Variants in ARHGEF17 observed in about 807,000 individuals in gnomAD.
ARHGEF17 encodes the protein Rho guanine nucleotide exchange factor 17.
A neutral mutation model predicts 174.0 loss-of-function variants in ARHGEF17; 80 were observed. That is an observed-to-expected ratio of 0.46 (90% CI 0.38 to 0.55). The LOEUF is 0.55. Among genes scored for constraint, ARHGEF17 ranks in the 20% least tolerant of loss-of-function variants. The probability of loss-of-function intolerance (pLI) is 0.00; values close to 1 mark genes in which losing one functional copy is unlikely to be tolerated. For synonymous variants in ARHGEF17, 1,311 were observed against 1,189.1 expected (o/e 1.10, Z -2.11); for missense variants, 2,886 against 2,839.7 (o/e 1.02, Z -0.37).
Position 73,364,178 on chromosome 11 carries a change from G to C in ARHGEF17, c.5340G>C (p.Leu1780=). Residue 1780 remains leucine (L), a synonymous_variant, in exon 17 of 21, where the codon CTG becomes CTC. Coordinates refer to ENST00000263674, the MANE Select transcript of ARHGEF17 (RefSeq NM_014786.4). ...TCCTCTTTTCCCTACCCAGGTATCT[G>C]AATAACCAGGTGTTTGTGTCTCTGG... ...HAASVTCILY[L]NNQVFVSLAN... 1.2e-6 allele frequency: 2 copies of C among 1,614,118 alleles called. No individual in the cohort carries two copies. Among genetic ancestry groups the C allele is most frequent in the Non-Finnish European group, 1.7e-6 (2 of 1,180,020 alleles).
chr11:73,324,382 G>T (rs964813995), intron 1 of ARHGEF17, among the ~76,000 whole-genome samples: 1 of 152,178 alleles, frequency 6.6e-6, no homozygotes, highest in African/African-American at 2.4e-5. Context: ...GGACAGCTGA[G>T]CCCTGCCCTG....
intron 2 of ARHGEF17, among the ~76,000 whole-genome samples, chr11:73,347,590 G>A (rs940924265): frequency 6.6e-6 from 1 of 152,222 alleles, no homozygotes; most frequent in Non-Finnish European, 1.5e-5. Context: ...GGAGGTCTAC[G>A]TGGCCAGCAC....
rs58725771 is a variant in ARHGEF17 at position 73,332,350 on chromosome 11, C to CGTGTGTGTGTGTGTGTGTGT, written c.3193-14494_3193-14475dup. The stretch of plus-strand genomic sequence containing the variant: ...TATATTTCCCTCCAGGCTTTTTCTC[C>CGTGTGTGTGTGTGTGTGTGT]GTGTGTGTGTGTGTGTGTGTGTGTG... On this transcript the variant is annotated intron_variant, in intron 1 of 20. Coordinates refer to ENST00000263674, the MANE Select transcript of ARHGEF17 (RefSeq NM_014786.4). Among the ~76,000 whole-genome samples, 8 of 120,750 alleles carry CGTGTGTGTGTGTGTGTGTGT rather than the reference C, an allele frequency of 6.6e-5. 1 individual carries two copies. The highest frequency in any genetic ancestry group is 5.7e-4 in the East Asian group (2 of 3,530). 79.2% of individuals were successfully genotyped at this position (120,750 alleles called of 152,430 possible). A position where few individuals can be genotyped will look rare whatever the true frequency, so the allele number is the denominator to read the frequency against.
At chr11:73,322,720 C>T (rs970865292) in intron 1 of ARHGEF17, among the ~76,000 whole-genome samples, 2 of 152,010 alleles carry the variant, frequency 1.3e-5, no homozygotes, top group Non-Finnish European at 2.9e-5. Context: ...CCTCAAGTGC[C>T]GAGTTAAATG....
At chr11:73,352,400 A>T (rs1247508258) in intron 2 of ARHGEF17, among the ~76,000 whole-genome samples, 1 of 152,216 alleles carries the variant, frequency 6.6e-6, no homozygotes, top group East Asian at 1.9e-4. Flanking sequence ...TCATCAGACT[A>T]GATCCTAAGC....
intron 1 of ARHGEF17, among the ~76,000 whole-genome samples, chr11:73,334,849 T>A (rs1383866404): frequency 6.6e-6 from 1 of 152,122 alleles, no homozygotes; most frequent in Non-Finnish European, 1.5e-5. Flanking sequence ...CCAGCCCCCC[T>A]GCAGGCTGGG....
intron 20 of ARHGEF17, among the ~76,000 whole-genome samples, 191 bp from the exon 21 acceptor site, chr11:73,367,393 T>G (rs1865857868): frequency 1.3e-5 from 2 of 152,200 alleles, no homozygotes; most frequent in Non-Finnish European, 2.9e-5. Flanking sequence ...AGATGGGACA[T>G]AAGAAGTCTG....
intron 1 of ARHGEF17, among the ~76,000 whole-genome samples, chr11:73,325,995 T>A (rs926174835): frequency 6.6e-5 from 10 of 152,270 alleles, no homozygotes; most frequent in Admixed American, 4.6e-4. Context: ...TAGTCTTGGA[T>A]AATTAACGCT....
chr11:73,360,215 GTC>G, intron 10 of ARHGEF17, 103 bp from the exon 11 acceptor site: 13 of 1,299,264 alleles, frequency 1.0e-5, no homozygotes, highest in Non-Finnish European at 1.3e-5. Flanking sequence ...GGAGGAGACA[GTC>G]TCACTTGCTG....
intron 13 of ARHGEF17, 50 bp downstream of exon 13, chr11:73,362,289 A>AC (rs1369991227): frequency 1.4e-6 from 2 of 1,464,030 alleles, no homozygotes; most frequent in Non-Finnish European, 1.8e-6. Context: ...GGGAGAACCA[A>AC]CCCCTGTCCC....
Position 73,365,594 on chromosome 11 carries a change from C to T in ARHGEF17, c.5725+30C>T. The stretch of plus-strand genomic sequence containing the variant: ...TGACCTCAAACTACCACAGCACCCT[C>T]CTTGGAGCCTTTCTGCCCGATCGTA... On this transcript the variant is annotated intron_variant, in intron 19 of 20. Transcript: ENST00000263674. The surrounding 1 kb of genome is among the most constrained non-coding windows in gnomAD (Gnocchi z 4.9). 6.2e-7 allele frequency: 1 copy of T among 1,611,344 alleles called. No individual in the cohort carries two copies. The highest frequency in any genetic ancestry group is 8.5e-7 in the Non-Finnish European group (1 of 1,177,670).
chr11:73,343,413 C>A (rs1462919064), intron 1 of ARHGEF17: 2 of 390,926 alleles, frequency 5.1e-6, no homozygotes, highest in Admixed American at 4.4e-5. Flanking sequence ...GGATGGAGAC[C>A]TGGAGATTGC....
In ARHGEF17 at chr11:73,346,894, G is replaced by A. The variant is rs763062798; in HGVS notation, c.3204G>A (p.Lys1068=). ...TCCTGTCCCCACAGGACATGCGGAA[G>A]CACGTGGCCATGACCCTGCTGGACA... The part of the protein sequence containing the change: ...CCSKPQVDMR[K]HVAMTLLDTE... Residue 1068 remains lysine (K), a synonymous_variant, in exon 2 of 21, where the codon AAG becomes AAA. Coordinates refer to ENST00000263674, the MANE Select transcript of ARHGEF17 (RefSeq NM_014786.4). The A allele has an allele frequency of 5.3e-6, 8 of 1,504,244 alleles. No homozygotes were observed. Among genetic ancestry groups the A allele is most frequent in the Non-Finnish European group, 7.1e-6 (8 of 1,120,796 alleles). 93.2% of individuals were successfully genotyped at this position (1,504,244 alleles called of 1,614,324 possible). A position where few individuals can be genotyped will look rare whatever the true frequency, so the allele number is the denominator to read the frequency against.
intron 12 of ARHGEF17, among the ~76,000 whole-genome samples, chr11:73,361,655 A>C (rs971897376): frequency 2.6e-5 from 4 of 152,140 alleles, no homozygotes; most frequent in African/African-American, 9.7e-5. Context: ...TGAACCTAAA[A>C]GTTCAAGACC....
In ARHGEF17 at chr11:73,356,218, T is replaced by A; in HGVS notation, c.3707T>A (p.Leu1236His). The change falls in exon 6 of 21, where the codon CTC (leucine) becomes CAC (histidine). Residue 1236 changes from leucine to histidine, a missense_variant. Transcript: ENST00000263674. ...HTPEDHPDHP[L>H]LLEAQRNIKQ... is the part of the protein sequence containing the mutation. ...CCTGAGGACCACCCGGACCATCCACTCCTGCTGGAGGCGCAGCGGAACATC... is the reference window on the plus strand; with the variant it reads ...CCTGAGGACCACCCGGACCATCCACACCTGCTGGAGGCGCAGCGGAACATC... 6.2e-7 allele frequency: 1 copy of A among 1,613,922 alleles called. No homozygotes were observed.
Position 73,363,395 on chromosome 11 carries a change from T to C in ARHGEF17, c.5186T>C (p.Leu1729Pro). 1 of 1,613,298 alleles carries C rather than the reference T, an allele frequency of 6.2e-7. No homozygotes were observed. ...GSFTRGSLED[L>P]LSVDPEAYQS... ...TTCACCCGGGGCAGCCTTGAGGACC[T>C]GCTGAGTGTCGACCCTGAGGCCTAC... The change falls in exon 15 of 21, where the codon CTG (leucine) becomes CCG (proline). Residue 1729 changes from leucine (L) to proline (P), a missense_variant. Leu to Pro is a moderately conservative substitution (Grantham distance 98). This residue lies in a region of ARHGEF17 where 476 missense variants were observed against 473.1 expected (regional missense o/e 1.01). Coordinates refer to ENST00000263674, the MANE Select transcript of ARHGEF17 (RefSeq NM_014786.4).
intron 15 of ARHGEF17, 72 bp from the exon 16 acceptor site, chr11:73,363,675 A>C: frequency 1.3e-6 from 2 of 1,581,602 alleles, no homozygotes; most frequent in Non-Finnish European, 8.7e-7. Context: ...CTAGGGGCAA[A>C]GAGGTGGAGG....
At chr11:73,341,492 A>T (rs375133576) in intron 1 of ARHGEF17, among the ~76,000 whole-genome samples, 23 of 151,304 alleles carry the variant, frequency 1.5e-4, no homozygotes, top group Admixed American at 1.1e-3. Flanking sequence ...TTTTTTTTTT[A>T]ATAGAGATGG....
rs995597131 is a variant in ARHGEF17, at chr11:73,336,454, T to C, written c.3193-10429T>C. On this transcript the variant is annotated intron_variant, in intron 1 of 20. Transcript: ENST00000263674. ...ACGGGGGTCCCTTCTGGGCTAAGAG[T>C]GCACCAGCAAGGTTCAGCAGTTAGA... Among the ~76,000 whole-genome samples, 13 of 151,798 alleles carry C rather than the reference T, an allele frequency of 8.6e-5. No homozygotes were observed. In the South Asian group the frequency reaches 2.3e-3, roughly 27 times the overall value.
Sources: gnomAD v4.1 joint callset for allele counts (sites outside exome capture counted in the v4.1 genomes callset) on GRCh38, gnomAD v4.1.1 for gene constraint, gnomAD v4.1.1 regional missense constraint, Gnocchi (gnomAD v3.1) non-coding constraint, MANE v1.5 for transcripts, NCBI Gene and HGNC (gene_info 2026-07-23, HGNC 2026-07-21) for gene names.